FTO: variants seen among roughly 807,000 people sequenced by gnomAD.
The protein encoded by FTO is alpha-ketoglutarate-dependent dioxygenase FTO.
In FTO, 47 loss-of-function variants were observed where a neutral mutation model predicts 63.9. The ratio of observed to expected loss-of-function variants is 0.74; its 90% CI spans 0.58 to 0.94. The LOEUF is 0.94. Ranked by LOEUF, FTO falls within the 40% of genes least tolerant of loss-of-function variation. FTO has a pLI of 0.00. For missense variants in FTO, 562 were observed against 618.1 expected (o/e 0.91, Z 0.96); for synonymous variants, 207 against 224.4 (o/e 0.92, Z 0.69).
At chr16:53,782,840 A>G (rs8051591) in intron 1 of FTO, among the ~76,000 whole-genome samples, 60,380 of 151,996 alleles carry the variant, frequency 0.4, 12,340 homozygotes, top group African/African-American at 0.44. Flanking sequence ...ACGAATGTTT[A>G]TTCCTATCTC....
chr16:53,813,551 C>G (rs1438943516), intron 2 of FTO, among the ~76,000 whole-genome samples: 1 of 152,104 alleles, frequency 6.6e-6, no homozygotes, highest in Non-Finnish European at 1.5e-5. Context: ...TTCAATAAAA[C>G]CTTAGTAAAA....
intron 8 of FTO, among the ~76,000 whole-genome samples, chr16:53,987,587 A>G (rs1177768782): frequency 8.7e-6 from 1 of 114,806 alleles, no homozygotes; most frequent in Non-Finnish European, 1.8e-5. Context: ...TGTCTCAAAA[A>G]AAAAAAAAAA....
chr16:53,763,444 T>C (rs2077119986), intron 1 of FTO, among the ~76,000 whole-genome samples: 1 of 152,168 alleles, frequency 6.6e-6, no homozygotes, highest in Non-Finnish European at 1.5e-5. Flanking sequence ...TTTTTTGCTT[T>C]CTAGTTGTGG....
At chr16:54,079,663 G>A (rs565130077) in intron 8 of FTO, among the ~76,000 whole-genome samples, 8 of 152,128 alleles carry the variant, frequency 5.3e-5, no homozygotes, top group Non-Finnish European at 1.0e-4. Context: ...AGACCGAATA[G>A]GACCTGGTGA....
chr16:53,825,884 A>C lies in FTO; in HGVS notation c.144A>C (p.Lys48Asn). 6.2e-7 allele frequency: 1 copy of C among 1,614,012 alleles called. No homozygotes were observed. The highest frequency in any genetic ancestry group is 8.5e-7 in the Non-Finnish European group (1 of 1,180,032). Residue 48 changes from lysine (K) to asparagine (N), a missense_variant, in exon 3 of 9, where the codon AAA becomes AAC. Transcript: ENST00000471389. ...FYQQWQLKYP[K>N]LILREASSVS... ...TTTAGTGGCAGCTGAAATATCCTAAACTAATTCTCCGAGAAGCCAGCAGTG... is the reference window on the plus strand; with the variant it reads ...TTTAGTGGCAGCTGAAATATCCTAACCTAATTCTCCGAGAAGCCAGCAGTG...
chr16:53,878,975 T>C (rs9931209), intron 5 of FTO, among the ~76,000 whole-genome samples: 1 of 152,164 alleles, frequency 6.6e-6, no homozygotes, highest in African/African-American at 2.4e-5. Flanking sequence ...AAAAGAGAAA[T>C]GAGTTCTTTG....
intron 1 of FTO, among the ~76,000 whole-genome samples, chr16:53,745,327 G>C (rs891318310): frequency 6.6e-6 from 1 of 152,112 alleles, no homozygotes; most frequent in Admixed American, 6.5e-5. Flanking sequence ...GGGGCATTGC[G>C]AGCCAAAGCC....
chr16:53,845,132 G>A (rs2079584846), intron 4 of FTO, among the ~76,000 whole-genome samples: 1 of 152,108 alleles, frequency 6.6e-6, no homozygotes, highest in African/African-American at 2.4e-5. Flanking sequence ...GTTTTCTAAT[G>A]CGCAATGTGT....
intron 8 of FTO, among the ~76,000 whole-genome samples, chr16:54,004,205 CGTCTTTA>C (rs1347764931): frequency 1.3e-5 from 2 of 152,022 alleles, no homozygotes; most frequent in Non-Finnish European, 2.9e-5. Flanking sequence ...TAGCATGGTA[CGTCTTTA>C]GGGAAAAGAC....
At chr16:53,820,999 T>C in intron 2 of FTO, among the ~76,000 whole-genome samples, 1 of 152,162 alleles carries the variant, frequency 6.6e-6, no homozygotes, top group South Asian at 2.1e-4. Context: ...TTTATGCTGT[T>C]TTTTATGTCA....
At chr16:53,739,423 C>T (rs528636866) in intron 1 of FTO, among the ~76,000 whole-genome samples, 9 of 150,084 alleles carry the variant, frequency 6.0e-5, no homozygotes, top group Admixed American at 4.6e-4. Context: ...ACCGTGTTAG[C>T]CAGGATGGTC....
At chr16:53,865,659 C>G (rs1237588621) in intron 4 of FTO, among the ~76,000 whole-genome samples, 1 of 152,120 alleles carries the variant, frequency 6.6e-6, no homozygotes, top group Non-Finnish European at 1.5e-5. Flanking sequence ...ATCGTCTCCT[C>G]CCCTGTCTCT....
chr16:53,944,288 C>T (rs1450933531), intron 8 of FTO, among the ~76,000 whole-genome samples: 4 of 152,118 alleles, frequency 2.6e-5, no homozygotes, highest in African/African-American at 9.7e-5. Context: ...ACCCACATCC[C>T]AGGGAAGAAG....
intron 1 of FTO, among the ~76,000 whole-genome samples, chr16:53,759,977 G>A (rs917158141): frequency 6.6e-6 from 1 of 152,022 alleles, no homozygotes; most frequent in Non-Finnish European, 1.5e-5. Context: ...GGGATGTGGT[G>A]GTTGCCTGGC....
At chr16:53,879,786 A>G in intron 5 of FTO, 58 bp from the exon 6 acceptor site, 2 of 1,597,214 alleles carry the variant, frequency 1.3e-6, no homozygotes, top group South Asian at 2.2e-5. Flanking sequence ...CCTAGGAAGG[A>G]TGGTAGAGTA....
intron 1 of FTO, among the ~76,000 whole-genome samples, chr16:53,721,076 C>T (rs1487994606): frequency 6.6e-6 from 1 of 152,154 alleles, no homozygotes; most frequent in Non-Finnish European, 1.5e-5. Context: ...AGGTATGAGC[C>T]ACTGCACCTG....
intron 8 of FTO, among the ~76,000 whole-genome samples, chr16:53,959,075 T>C (rs2083003509): frequency 6.6e-6 from 1 of 152,254 alleles, no homozygotes; most frequent in African/African-American, 2.4e-5. Flanking sequence ...TGCCAAGTAC[T>C]TTTTAAGTGC....
chr16:53,760,436 G>A (rs1366016769), intron 1 of FTO, among the ~76,000 whole-genome samples: 2 of 151,404 alleles, frequency 1.3e-5, no homozygotes, highest in African/African-American at 4.9e-5. Flanking sequence ...TGTAGGGATG[G>A]GGTTTTGCCA....
intron 1 of FTO, among the ~76,000 whole-genome samples, chr16:53,760,205 GGTGTGTGTGTGTGT>G (rs1173270081): frequency 2.2e-4 from 28 of 125,598 alleles, no homozygotes; most frequent in Admixed American, 1.0e-3. Flanking sequence ...CTTCAGCTTT[GGTGTGTGTGTGTGT>G]GTGTGTGTGT....
Sources: allele counts gnomAD v4.1 joint callset (sites outside exome capture counted in the v4.1 genomes callset), GRCh38; gene constraint gnomAD v4.1.1; transcripts MANE v1.5; gene names NCBI Gene and HGNC (gene_info 2026-07-23, HGNC 2026-07-21).